DLG2: variants seen among roughly 807,000 people sequenced by gnomAD.
DLG2 encodes discs large MAGUK scaffold protein 2, also known as disks large homolog 2.
A neutral mutation model predicts 132.5 loss-of-function variants in DLG2; 45 were observed. That is an observed-to-expected ratio of 0.34 (90% CI 0.27 to 0.44). The LOEUF is 0.44. Ranked by LOEUF, DLG2 falls within the 20% of genes least tolerant of loss-of-function variation. The pLI, the probability that DLG2 is intolerant of heterozygous loss-of-function variation, is 1.00. For synonymous variants in DLG2, 424 were observed against 419.6 expected, an observed-to-expected ratio of 1.01 and a Z score of -0.13; for missense variants, 1,045 against 1,196.9, an observed-to-expected ratio of 0.87 and a Z score of 1.87.
At chr11:83,479,937 T>A (rs2092963936) in intron 22 of DLG2, among the ~76,000 whole-genome samples, 1 of 152,090 alleles carries the variant, frequency 6.6e-6, no homozygotes, top group Admixed American at 6.6e-5. Flanking sequence ...ACTTTATTTA[T>A]AAATGCTTTT....
At chr11:83,601,917 C>T (rs150282845) in intron 19 of DLG2, among the ~76,000 whole-genome samples, 38 of 152,228 alleles carry the variant, frequency 2.5e-4, no homozygotes, top group Non-Finnish European at 4.3e-4. Flanking sequence ...CTTATTGAGA[C>T]CAGAACGAAC....
At chr11:84,881,067 C>A (rs1226188006) in intron 6 of DLG2, among the ~76,000 whole-genome samples, 3 of 151,930 alleles carry the variant, frequency 2.0e-5, no homozygotes, top group Non-Finnish European at 4.4e-5. Flanking sequence ...ATATTGTAAC[C>A]AAACTGAAAT....
chr11:84,558,248 T>C (rs748939857), intron 6 of DLG2, among the ~76,000 whole-genome samples: 1 of 152,156 alleles, frequency 6.6e-6, no homozygotes, highest in Admixed American at 6.6e-5. Flanking sequence ...CCAGATTACA[T>C]CCCTTGTGTG....
intron 7 of DLG2, among the ~76,000 whole-genome samples, chr11:84,488,582 C>T (rs755568690): frequency 6.6e-6 from 1 of 152,110 alleles, no homozygotes; most frequent in East Asian, 1.9e-4. Context: ...CAGCACCCTG[C>T]ATTTTCCATA....
intron 6 of DLG2, among the ~76,000 whole-genome samples, chr11:84,837,142 G>T (rs1263647545): frequency 6.6e-6 from 1 of 151,648 alleles, no homozygotes; most frequent in Non-Finnish European, 1.5e-5. Flanking sequence ...GACCATGACT[G>T]TATTAGCTAT....
At chr11:85,069,488 C>T (rs995668888) in intron 6 of DLG2, among the ~76,000 whole-genome samples, 18 of 152,112 alleles carry the variant, frequency 1.2e-4, no homozygotes, top group South Asian at 2.1e-4. Flanking sequence ...AAAAAGTGGG[C>T]GAAGGATATG....
intron 18 of DLG2, among the ~76,000 whole-genome samples, chr11:83,753,681 A>G (rs952940800): frequency 2.1e-5 from 3 of 143,480 alleles, no homozygotes; most frequent in African/African-American, 7.8e-5. Flanking sequence ...ATTGATATAT[A>G]TATCAATTTA....
chr11:85,567,354 A>G (rs543925393), intron 3 of DLG2, among the ~76,000 whole-genome samples: 1 of 152,188 alleles, frequency 6.6e-6, no homozygotes, highest in African/African-American at 2.4e-5. Flanking sequence ...GCAATGTTTT[A>G]GAGTTTTAGT....
At chr11:85,038,659 T>C (rs757390769) in intron 6 of DLG2, among the ~76,000 whole-genome samples, 10 of 152,092 alleles carry the variant, frequency 6.6e-5, no homozygotes, top group Non-Finnish European at 1.5e-4. Flanking sequence ...CAACTTAAAA[T>C]AGTTTTCTAA....
In DLG2 at chr11:85,598,767, A is replaced by G; in HGVS notation, c.-71T>C. ...TAATTTTTTGCAGTATTCTTCCAGT[A>G]ATGATAAAGCTCGGTCAGTATCTGA... On this transcript the variant is annotated 5_prime_UTR_variant, in exon 3 of 28. Coordinates refer to ENST00000376104, the MANE Select transcript of DLG2 (RefSeq NM_001142699.3). 7.8e-7 allele frequency: 1 copy of G among 1,274,206 alleles called. No individual in the cohort carries two copies. The highest frequency in any genetic ancestry group is 1.1e-6 in the Non-Finnish European group (1 of 917,206). The allele number at this position is 1,274,206 out of a possible 1,614,324, so 78.9% of individuals were successfully genotyped here. A position where few individuals can be genotyped will look rare whatever the true frequency, so the allele number is the denominator to read the frequency against.
chr11:85,509,553 A>T (rs889631933), intron 3 of DLG2, among the ~76,000 whole-genome samples: 1 of 152,082 alleles, frequency 6.6e-6, no homozygotes, highest in Non-Finnish European at 1.5e-5. Context: ...CTTGTGAAAG[A>T]CAAACACACG....
intron 7 of DLG2, among the ~76,000 whole-genome samples, chr11:84,428,313 G>A (rs1219540248): frequency 6.6e-6 from 1 of 152,170 alleles, no homozygotes; most frequent in African/African-American, 2.4e-5. Flanking sequence ...GGTGTTGATA[G>A]GCTGGCCTTG....
At chr11:85,011,352 A>T (rs2154135395) in intron 6 of DLG2, among the ~76,000 whole-genome samples, 1 of 152,336 alleles carries the variant, frequency 6.6e-6, no homozygotes, top group Admixed American at 6.5e-5. Context: ...AAGCTAGTTG[A>T]TAACATCATC....
rs574225842 is a variant in DLG2 at position 84,246,736 on chromosome 11, G to A, written c.573+4502C>T. On this transcript the variant is annotated intron_variant, in intron 8 of 27. Coordinates refer to ENST00000376104, the MANE Select transcript of DLG2 (RefSeq NM_001142699.3). ...TGGAAAATTCATGTATATAGGATTTGGCATTATCTGCAGCTTCAGGCATCC... is the reference window on the plus strand; with the variant it reads ...TGGAAAATTCATGTATATAGGATTTAGCATTATCTGCAGCTTCAGGCATCC... Among the ~76,000 whole-genome samples, 188 of 152,266 alleles carry A rather than the reference G, an allele frequency of 1.2e-3. 1 individual carries two copies. Among genetic ancestry groups the A allele is most frequent in the African/African-American group, 4.2e-3 (176 of 41,562 alleles).
chr11:85,122,470 A>AC (rs1426237837), intron 5 of DLG2, among the ~76,000 whole-genome samples: 1 of 152,190 alleles, frequency 6.6e-6, no homozygotes, highest in Admixed American at 6.5e-5. Context: ...ATTATAGTTG[A>AC]CTAAGGCATG....
intron 6 of DLG2, among the ~76,000 whole-genome samples, chr11:84,722,364 A>G (rs1565779083): frequency 6.6e-6 from 1 of 152,168 alleles, no homozygotes; most frequent in Admixed American, 6.5e-5. Flanking sequence ...AAGAGCCTCA[A>G]TATCATGGTA....
intron 7 of DLG2, among the ~76,000 whole-genome samples, chr11:84,475,118 A>T (rs1205578075): frequency 6.6e-6 from 1 of 152,154 alleles, no homozygotes. Flanking sequence ...AGCTCCAACG[A>T]GTTGTAACCA....
At chr11:84,209,707 A>G (rs1035725680) in intron 8 of DLG2, among the ~76,000 whole-genome samples, 6 of 152,242 alleles carry the variant, frequency 3.9e-5, no homozygotes, top group Non-Finnish European at 7.3e-5. Flanking sequence ...TAAACACATG[A>G]AAAAGATGCT....
At chr11:84,920,952 T>G (rs1008344519) in intron 6 of DLG2, among the ~76,000 whole-genome samples, 1 of 152,138 alleles carries the variant, frequency 6.6e-6, no homozygotes, top group Non-Finnish European at 1.5e-5. Flanking sequence ...CTTAAAGTTT[T>G]GGATAACTGT....
Sources: gnomAD v4.1 joint callset for allele counts (sites outside exome capture counted in the v4.1 genomes callset) on GRCh38, gnomAD v4.1.1 for gene constraint, MANE v1.5 for transcripts, NCBI Gene and HGNC (gene_info 2026-07-23, HGNC 2026-07-21) for gene names.